CCSER2: variants seen among roughly 807,000 people sequenced by gnomAD.
CCSER2 encodes serine-rich coiled-coil domain-containing protein 2.
In CCSER2, 46 loss-of-function variants were observed where a neutral mutation model predicts 92.3. That is an observed-to-expected ratio of 0.50 (90% confidence interval 0.39 to 0.64). The LOEUF (loss-of-function observed/expected upper bound fraction) is 0.64. Among genes scored for constraint, CCSER2 ranks in the 30% least tolerant of loss-of-function variants. CCSER2 has a pLI of 0.00. For synonymous variants in CCSER2, 433 were observed against 431.4 expected (o/e 1.00, Z -0.04); for missense variants, 1,244 against 1,238.9 (o/e 1.00, Z -0.06).
At chr10:84,466,889 C>G (rs1589746305) in intron 7 of CCSER2, among the ~76,000 whole-genome samples, 1 of 152,158 alleles carries the variant, frequency 6.6e-6, no homozygotes, top group Non-Finnish European at 1.5e-5. Context: ...AAAGTGTCCA[C>G]TGTGCTATGG....
At chr10:84,347,677 G>A (rs1477474950) in intron 1 of CCSER2, among the ~76,000 whole-genome samples, 1 of 149,368 alleles carries the variant, frequency 6.7e-6, no homozygotes, top group African/African-American at 2.5e-5. Flanking sequence ...GCTGCCGGGC[G>A]GAGGGGCTCC....
intron 1 of CCSER2, among the ~76,000 whole-genome samples, chr10:84,343,066 G>T (rs1161894034): frequency 1.3e-5 from 2 of 152,070 alleles, no homozygotes; most frequent in Admixed American, 6.6e-5. Flanking sequence ...AGAGTCCGGG[G>T]TTTACCATGT....
chr10:84,493,236 T>C (rs1310764590), intron 9 of CCSER2, among the ~76,000 whole-genome samples: 1 of 152,240 alleles, frequency 6.6e-6, no homozygotes, highest in Admixed American at 6.5e-5. Flanking sequence ...TTGTCAAATA[T>C]ATGACTGTAA....
chr10:84,400,945 G>T (rs143757628), intron 3 of CCSER2, among the ~76,000 whole-genome samples: 1 of 152,000 alleles, frequency 6.6e-6, no homozygotes, highest in Non-Finnish European at 1.5e-5. Context: ...TCTGTAGCCG[G>T]GTGCCATGTC....
At chr10:84,512,272 CA>C (rs935562879) in intron 9 of CCSER2, among the ~76,000 whole-genome samples, 2 of 151,360 alleles carry the variant, frequency 1.3e-5, no homozygotes, top group Non-Finnish European at 2.9e-5. Context: ...ATTAGCATAG[CA>C]AAAAAAACTT....
Position 84,400,856 on chromosome 10 carries a change from A to G in CCSER2, c.1615-16915A>G, listed in dbSNP as rs148993021. ...TTGAACCAGGGAGGTGGCAGTTGCA[A>G]TGAGTGGAGATCGTGCCACTGCACT... On this transcript the variant is annotated intron_variant, in intron 3 of 9. Coordinates refer to ENST00000372088, the MANE Select transcript of CCSER2 (RefSeq NM_001284240.2). 4.3e-3 allele frequency among the ~76,000 whole-genome samples: 659 copies of G among 152,164 alleles called. 10 individuals are homozygous for G. Among genetic ancestry groups the G allele is most frequent in the African/African-American group, 0.015 (641 of 41,522 alleles).
chr10:84,424,313 A>G (rs959369316), intron 4 of CCSER2, among the ~76,000 whole-genome samples: 1 of 151,592 alleles, frequency 6.6e-6, no homozygotes, highest in Non-Finnish European at 1.5e-5. Context: ...TTATTCCTGT[A>G]AGATGACAAC....
intron 9 of CCSER2, among the ~76,000 whole-genome samples, chr10:84,510,741 C>T (rs1478770595): frequency 6.6e-6 from 1 of 152,146 alleles, no homozygotes; most frequent in Non-Finnish European, 1.5e-5. Context: ...ACATCTCTGC[C>T]TTGCTTGCTA....
chr10:84,398,964 C>G (rs891991064), intron 3 of CCSER2, among the ~76,000 whole-genome samples: 2 of 152,184 alleles, frequency 1.3e-5, no homozygotes, highest in African/African-American at 4.8e-5. Context: ...TTCACTCTTA[C>G]CACATCTGGC....
At chr10:84,460,096 T>C (rs1846010802) in intron 6 of CCSER2, among the ~76,000 whole-genome samples, 1 of 145,016 alleles carries the variant, frequency 6.9e-6, no homozygotes. Context: ...GATTTTTTTT[T>C]TTTTTTTTTT....
intron 3 of CCSER2, among the ~76,000 whole-genome samples, chr10:84,379,766 C>CT (rs1269762259): frequency 6.6e-6 from 1 of 151,940 alleles, no homozygotes; most frequent in Non-Finnish European, 1.5e-5. Flanking sequence ...CTACAGGTTT[C>CT]TTTTTTAACT....
At chr10:84,445,299 G>A (rs1379950720) in intron 6 of CCSER2, among the ~76,000 whole-genome samples, 1 of 152,042 alleles carries the variant, frequency 6.6e-6, no homozygotes, top group Non-Finnish European at 1.5e-5. Context: ...GACTACAGGC[G>A]CCCGCCACCA....
intron 9 of CCSER2, among the ~76,000 whole-genome samples, chr10:84,507,121 T>G (rs576890970): frequency 5.9e-5 from 9 of 152,340 alleles, no homozygotes; most frequent in African/African-American, 2.2e-4. Flanking sequence ...GTTTTTGTTA[T>G]GTACAAATAT....
chr10:84,439,413 AC>A (rs1391514875), intron 6 of CCSER2, among the ~76,000 whole-genome samples: 3 of 152,188 alleles, frequency 2.0e-5, no homozygotes, highest in African/African-American at 7.2e-5. Context: ...CTGTATTTGT[AC>A]TTTGTAGAAT....
At chr10:84,420,629 G>C (rs553547038) in intron 4 of CCSER2, among the ~76,000 whole-genome samples, 1 of 152,130 alleles carries the variant, frequency 6.6e-6, no homozygotes, top group South Asian at 2.1e-4. Flanking sequence ...ATATTATGCA[G>C]GTTTGATAAA....
chr10:84,510,344 G>C (rs1159113339), intron 9 of CCSER2, among the ~76,000 whole-genome samples: 1 of 152,058 alleles, frequency 6.6e-6, no homozygotes, highest in Non-Finnish European at 1.5e-5. Context: ...GACCTCTCCA[G>C]GCAGGCATGT....
chr10:84,429,922 C>T (rs997677729), intron 5 of CCSER2, among the ~76,000 whole-genome samples: 1 of 151,324 alleles, frequency 6.6e-6, no homozygotes, highest in Admixed American at 6.6e-5. Flanking sequence ...CAGATTTCTC[C>T]CTGGCCAGGA....
At chr10:84,369,272 A>T (rs1845941291) in intron 1 of CCSER2, among the ~76,000 whole-genome samples, 1 of 152,064 alleles carries the variant, frequency 6.6e-6, no homozygotes, top group South Asian at 2.1e-4. Flanking sequence ...ACTAATTTAC[A>T]TTACCACCAG....
chr10:84,403,478 ATT>A (rs1261085269), intron 3 of CCSER2, among the ~76,000 whole-genome samples: 1 of 152,226 alleles, frequency 6.6e-6, no homozygotes, highest in Non-Finnish European at 1.5e-5. Context: ...AAAAAACTCT[ATT>A]AAGAGGATGA....
Sources: gnomAD v4.1 joint callset for allele counts (sites outside exome capture counted in the v4.1 genomes callset) on GRCh38, gnomAD v4.1.1 for gene constraint, MANE v1.5 for transcripts, NCBI Gene and HGNC (gene_info 2026-07-23, HGNC 2026-07-21) for gene names.